Variants in CCDC192 observed in about 807,000 individuals in gnomAD.
CCDC192 encodes the protein coiled-coil domain containing 192.
intron 2 of CCDC192, among the ~76,000 whole-genome samples, chr5:127,725,468 C>T (rs934138541): frequency 2.0e-5 from 3 of 152,114 alleles, no homozygotes; most frequent in Non-Finnish European, 2.9e-5. Flanking sequence ...TTGAATAATA[C>T]ATTTTATTTA....
intron 1 of CCDC192, 29 bp downstream of exon 1, chr5:127,703,536 A>G (rs1750793416): frequency 5.0e-6 from 2 of 398,552 alleles, no homozygotes; most frequent in South Asian, 1.3e-4. Flanking sequence ...TCATCCCAAA[A>G]TAATTCATGG....
intron 6 of CCDC192, among the ~76,000 whole-genome samples, chr5:127,915,331 G>A (rs1010383466): frequency 3.9e-5 from 6 of 152,182 alleles, no homozygotes; most frequent in African/African-American, 1.4e-4. Context: ...CTGCCCGCGG[G>A]CCACATACAG....
intron 5 of CCDC192, among the ~76,000 whole-genome samples, chr5:127,863,467 T>A (rs1218878898): frequency 2.0e-5 from 3 of 152,202 alleles, no homozygotes; most frequent in Non-Finnish European, 2.9e-5. Context: ...AAATAAATAC[T>A]GTGTGATTCC....
At chr5:127,729,588 C>T (rs545055441) in intron 2 of CCDC192, among the ~76,000 whole-genome samples, 1 of 152,296 alleles carries the variant, frequency 6.6e-6, no homozygotes, top group East Asian at 1.9e-4. Context: ...GGTCACATGG[C>T]ACTTACTCTA....
intron 6 of CCDC192, among the ~76,000 whole-genome samples, chr5:127,923,878 GCAA>G (rs1196164753): frequency 6.6e-6 from 1 of 152,190 alleles, no homozygotes; most frequent in Non-Finnish European, 1.5e-5. Context: ...TATGAAGAAT[GCAA>G]CCACCTTGCA....
chr5:127,781,394 G>C (rs1756211741), intron 3 of CCDC192, among the ~76,000 whole-genome samples: 1 of 152,104 alleles, frequency 6.6e-6, no homozygotes, highest in Non-Finnish European at 1.5e-5. Flanking sequence ...GATGGGAATT[G>C]TGTTGAATTT....
At chr5:127,895,826 C>T (rs999445654) in intron 6 of CCDC192, among the ~76,000 whole-genome samples, 2 of 150,410 alleles carry the variant, frequency 1.3e-5, no homozygotes, top group Admixed American at 6.6e-5. Context: ...GGGTGACAGC[C>T]GTACCCTGTC....
intron 5 of CCDC192, among the ~76,000 whole-genome samples, chr5:127,861,101 C>T (rs1197391038): frequency 2.0e-5 from 3 of 151,934 alleles, no homozygotes; most frequent in East Asian, 2.0e-4. Flanking sequence ...CTTCACCTTT[C>T]GGGTTCAAGC....
intron 2 of CCDC192, among the ~76,000 whole-genome samples, chr5:127,735,407 G>C (rs972017715): frequency 3.4e-5 from 5 of 148,850 alleles, no homozygotes; most frequent in African/African-American, 1.3e-4. Context: ...TCTTGGAAAT[G>C]TGGGCTCTTT....
Position 127,826,220 on chromosome 5 carries a change from A to G in CCDC192, c.411+28058A>G, listed in dbSNP as rs143152178. 2.9e-3 allele frequency among the ~76,000 whole-genome samples: 449 copies of G among 152,308 alleles called. 3 individuals are homozygous for G. Among genetic ancestry groups the G allele is most frequent in the African/African-American group, 0.01 (429 of 41,570 alleles). On this transcript the variant is annotated intron_variant, in intron 5 of 6. Coordinates refer to ENST00000514853, the MANE Select transcript of CCDC192 (RefSeq NM_001317938.2). ...CTAATATCAGAGAAATGCAAATTAA[A>G]ACCACAGTGAGATACCATCTCACAC...
chr5:127,904,515 T>G (rs973164155), intron 6 of CCDC192, among the ~76,000 whole-genome samples: 1 of 148,144 alleles, frequency 6.8e-6, no homozygotes, highest in African/African-American at 2.6e-5. Flanking sequence ...TTTTTTTTTT[T>G]TTTCTGAGAC....
In CCDC192 at chr5:127,742,501, G is replaced by A. The variant is rs150092617; in HGVS notation, c.115-11767G>A. Among the ~76,000 whole-genome samples, 196 of 152,250 alleles carry A rather than the reference G, an allele frequency of 1.3e-3. 1 individual carries two copies. The highest frequency in any genetic ancestry group is 4.4e-3 in the African/African-American group (183 of 41,548). On this transcript the variant is annotated intron_variant, in intron 2 of 6. Transcript: ENST00000514853. Reference sequence around the variant, plus strand: ...AGAATACAGGTGCATCTTGGACTAGGTCCAGGGGAATTCAGGGACTCTAGT... The same window carrying A: ...AGAATACAGGTGCATCTTGGACTAGATCCAGGGGAATTCAGGGACTCTAGT...
At chr5:127,729,297 C>G (rs187821189) in intron 2 of CCDC192, among the ~76,000 whole-genome samples, 68 of 152,276 alleles carry the variant, frequency 4.5e-4, no homozygotes, top group African/African-American at 1.6e-3. Flanking sequence ...GGGTTTAATT[C>G]AACAACAAGA....
intron 2 of CCDC192, among the ~76,000 whole-genome samples, chr5:127,739,268 G>T (rs945515203): frequency 9.9e-5 from 15 of 152,206 alleles, no homozygotes; most frequent in Non-Finnish European, 2.1e-4. Context: ...GGACCCACTT[G>T]AGGAGGCAGT....
At chr5:127,867,426 C>G (rs1017623184) in intron 5 of CCDC192, among the ~76,000 whole-genome samples, 7 of 152,352 alleles carry the variant, frequency 4.6e-5, no homozygotes, top group African/African-American at 1.7e-4. Flanking sequence ...TTTTCCACCA[C>G]TTGTAAATTC....
At chr5:127,771,419 G>A (rs778996994) in intron 3 of CCDC192, among the ~76,000 whole-genome samples, 16 of 152,196 alleles carry the variant, frequency 1.1e-4, no homozygotes, top group Non-Finnish European at 1.8e-4. Context: ...ATTGTTTTAC[G>A]AAGTTTTGGA....
chr5:127,786,337 GAA>G, intron 3 of CCDC192: 8 of 544,532 alleles, frequency 1.5e-5, no homozygotes, highest in South Asian at 6.6e-5. Context: ...CTCTGTGACA[GAA>G]AAAAAAAAGA....
rs563300201 is a variant in CCDC192 at position 127,902,515 on chromosome 5, A to T, written c.535+26854A>T. Among the ~76,000 whole-genome samples, 13 of 152,288 alleles carry T rather than the reference A, an allele frequency of 8.5e-5. No homozygotes were observed. In the East Asian group the frequency reaches 2.3e-3, roughly 27 times the overall value. ...AACTAACATAAACGTTCCTTACTTG[A>T]TCATCACCCCCGGTTTTCACATACC... On this transcript the variant is annotated intron_variant, in intron 6 of 6. Coordinates refer to ENST00000514853, the MANE Select transcript of CCDC192 (RefSeq NM_001317938.2).
intron 2 of CCDC192, among the ~76,000 whole-genome samples, chr5:127,743,667 ACAT>A (rs1266512114): frequency 6.6e-6 from 1 of 152,162 alleles, no homozygotes; most frequent in East Asian, 1.9e-4. Context: ...TCTAATTTAA[ACAT>A]CTTCTTAGGT....
Sources: allele counts gnomAD v4.1 joint callset (sites outside exome capture counted in the v4.1 genomes callset), GRCh38; gene constraint gnomAD v4.1.1; transcripts MANE v1.5; gene names NCBI Gene and HGNC (gene_info 2026-07-23, HGNC 2026-07-21).